CACNA1D: variants seen among roughly 807,000 people sequenced by gnomAD.
CACNA1D encodes voltage-dependent L-type calcium channel subunit alpha-1D.
CACNA1D carries 55 observed loss-of-function variants against 257.1 expected under a neutral mutation model. That is an observed-to-expected ratio of 0.21 (90% CI 0.17 to 0.27). The LOEUF (loss-of-function observed/expected upper bound fraction) is 0.27. CACNA1D is among the 10% of genes least tolerant of loss of function. CACNA1D has a pLI of 1.00. For synonymous variants in CACNA1D, 980 were observed against 1,014.9 expected (o/e 0.97, Z 0.65); for missense variants, 1,876 against 2,784.0 (o/e 0.67, Z 7.34).
In CACNA1D at chr3:53,779,442, T is replaced by G. The variant is rs781580261; in HGVS notation, c.4588-584T>G. Among the ~76,000 whole-genome samples, 93 of 152,138 alleles carry G rather than the reference T, an allele frequency of 6.1e-4. 2 individuals are homozygous for G. The highest frequency in any genetic ancestry group is 3.1e-3 in the South Asian group (15 of 4,800). On this transcript the variant is annotated intron_variant, in intron 37 of 47. Transcript: ENST00000350061. ...GTGTGTGTGTATTTGTGTGTATATATGTGTATATGTATATACACACACACA... is the reference window on the plus strand; with the variant it reads ...GTGTGTGTGTATTTGTGTGTATATAGGTGTATATGTATATACACACACACA...
intron 20 of CACNA1D, among the ~76,000 whole-genome samples, chr3:53,738,215 A>G (rs937742457): frequency 6.6e-6 from 1 of 152,258 alleles, no homozygotes; most frequent in East Asian, 1.9e-4. Flanking sequence ...CTGTGCCTCC[A>G]GGACTCTGTT....
intron 9 of CACNA1D, among the ~76,000 whole-genome samples, chr3:53,715,140 C>T (rs1402001897): frequency 2.0e-5 from 3 of 152,120 alleles, no homozygotes; most frequent in Non-Finnish European, 4.4e-5. Flanking sequence ...GGTCAGAGTG[C>T]GTTTCCTCTG....
intron 45 of CACNA1D, among the ~76,000 whole-genome samples, chr3:53,806,117 CCTTT>C (rs1347320743): frequency 2.0e-5 from 3 of 146,702 alleles, no homozygotes; most frequent in Admixed American, 6.8e-5. Flanking sequence ...CTAGCATCTT[CCTTT>C]ATCTTCCTCC....
intron 19 of CACNA1D, among the ~76,000 whole-genome samples, chr3:53,734,804 A>G (rs1023654159): frequency 2.0e-5 from 3 of 152,172 alleles, no homozygotes; most frequent in Non-Finnish European, 4.4e-5. Context: ...AATAACATCT[A>G]TTACAAAATC....
chr3:53,681,878 C>G (rs2094432941), intron 8 of CACNA1D, among the ~76,000 whole-genome samples: 1 of 151,594 alleles, frequency 6.6e-6, no homozygotes, highest in Non-Finnish European at 1.5e-5. Flanking sequence ...CAAGGGTATT[C>G]TAGTCAAGGG....
intron 3 of CACNA1D, among the ~76,000 whole-genome samples, chr3:53,514,241 G>A (rs907778638): frequency 6.6e-6 from 1 of 151,946 alleles, no homozygotes; most frequent in Admixed American, 6.6e-5. Flanking sequence ...TGACTCAAGC[G>A]CCCACGCTCA....
In CACNA1D at chr3:53,789,020, G is replaced by A. The variant is rs560155572; in HGVS notation, c.4923+2068G>A. ...CAGCTAAGTCATTACCAGGTTTCACGTATGGGGTTTACTGAGTCTTAAGTT... is the reference window on the plus strand; with the variant it reads ...CAGCTAAGTCATTACCAGGTTTCACATATGGGGTTTACTGAGTCTTAAGTT... On this transcript the variant is annotated intron_variant, in intron 40 of 47. Transcript: ENST00000350061. The surrounding 1 kb of genome is among the most constrained non-coding windows in gnomAD (Gnocchi z 4.2). Among the ~76,000 whole-genome samples the A allele has an allele frequency of 5.9e-5, 9 of 152,266 alleles. No individual in the cohort carries two copies. The highest frequency in any genetic ancestry group is 2.1e-4 in the South Asian group (1 of 4,820).
At chr3:53,520,645 A>G (rs1230042026) in intron 3 of CACNA1D, among the ~76,000 whole-genome samples, 2 of 152,182 alleles carry the variant, frequency 1.3e-5, no homozygotes, top group East Asian at 3.9e-4. Flanking sequence ...AGGCATCTGT[A>G]GTCCCAGCTA....
chr3:53,718,527 C>A (rs542484694), intron 10 of CACNA1D, 139 bp downstream of exon 10: 1 of 1,024,816 alleles, frequency 9.8e-7, no homozygotes. Context: ...TCGTACCCCA[C>A]GCCACGCTTC....
At chr3:53,527,274 A>G (rs2091800212) in intron 3 of CACNA1D, among the ~76,000 whole-genome samples, 1 of 152,146 alleles carries the variant, frequency 6.6e-6, no homozygotes, top group Admixed American at 6.5e-5. Context: ...TGTCTGTTGG[A>G]GCATTCTTCT....
intron 3 of CACNA1D, among the ~76,000 whole-genome samples, chr3:53,524,198 T>A (rs1256907858): frequency 6.6e-6 from 1 of 152,228 alleles, no homozygotes; most frequent in Non-Finnish European, 1.5e-5. Flanking sequence ...AGGTTTGTGC[T>A]GAGAATGTAA....
At chr3:53,779,950 A>G in intron 37 of CACNA1D, 76 bp from the exon 38 acceptor site, 1 of 1,051,566 alleles carries the variant, frequency 9.5e-7, no homozygotes, top group South Asian at 1.3e-5. Context: ...TGATAAACGG[A>G]AAATAAACAT....
chr3:53,604,863 A>T (rs1254417747), intron 3 of CACNA1D, among the ~76,000 whole-genome samples: 3 of 152,154 alleles, frequency 2.0e-5, no homozygotes, highest in Non-Finnish European at 4.4e-5. Flanking sequence ...GAGGATGGAC[A>T]TTCCTAAGAT....
At chr3:53,701,904 A>G (rs886762959) in intron 8 of CACNA1D, among the ~76,000 whole-genome samples, 2 of 152,236 alleles carry the variant, frequency 1.3e-5, no homozygotes, top group African/African-American at 4.8e-5. Flanking sequence ...AAATGGGCAG[A>G]AAATCATATG....
At chr3:53,637,669 A>G in intron 3 of CACNA1D, among the ~76,000 whole-genome samples, 1 of 152,094 alleles carries the variant, frequency 6.6e-6, no homozygotes, top group East Asian at 1.9e-4. Flanking sequence ...GGAGGTGTCA[A>G]ATAATGGATG....
rs1291740812 is a variant in CACNA1D at position 53,620,784 on chromosome 3, A to G, written c.484-29995A>G. On this transcript the variant is annotated intron_variant, in intron 3 of 47. Transcript: ENST00000350061. ...CATAAGCAGATATACCTGGATTTGC[A>G]TAACAGAAAGGACTATTTTGGGGTG... is the stretch of plus-strand genomic sequence containing the variant. 2.0e-5 allele frequency among the ~76,000 whole-genome samples: 3 copies of G among 152,262 alleles called. No homozygotes were observed. The East Asian group carries it at 5.8e-4, about 29-fold the overall frequency.
intron 3 of CACNA1D, among the ~76,000 whole-genome samples, chr3:53,581,808 G>A (rs807196): frequency 0.83 from 125,831 of 152,164 alleles, 52,196 homozygotes; most frequent in African/African-American, 0.87. Context: ...AGAGGCACAT[G>A]CAAGAAGGCC....
intron 3 of CACNA1D, among the ~76,000 whole-genome samples, chr3:53,556,258 A>C (rs535816030): frequency 6.6e-6 from 1 of 152,340 alleles, no homozygotes; most frequent in South Asian, 2.1e-4. Flanking sequence ...TTTTGTATGA[A>C]TATAGATGTT....
intron 3 of CACNA1D, among the ~76,000 whole-genome samples, chr3:53,511,374 T>C (rs1025342126): frequency 2.0e-5 from 3 of 152,168 alleles, no homozygotes; most frequent in African/African-American, 7.2e-5. Context: ...GAGTACATCC[T>C]GACACACAGG....
Sources: allele counts gnomAD v4.1 joint callset (sites outside exome capture counted in the v4.1 genomes callset), GRCh38; gene constraint gnomAD v4.1.1; non-coding constraint Gnocchi (gnomAD v3.1); transcripts MANE v1.5; gene names NCBI Gene and HGNC (gene_info 2026-07-23, HGNC 2026-07-21).